ROCK2: variants seen among roughly 807,000 people sequenced by gnomAD.
The protein encoded by ROCK2 is rho-associated protein kinase 2.
In ROCK2, 61 loss-of-function variants were observed where a neutral mutation model predicts 195.1. The ratio of observed to expected loss-of-function variants is 0.31; its 90% CI spans 0.25 to 0.39. The LOEUF (loss-of-function observed/expected upper bound fraction) is 0.39. ROCK2 is among the 10% of genes least tolerant of loss of function. The pLI is 1.00. For missense variants in ROCK2, 1,109 were observed against 1,637.4 expected, an observed-to-expected ratio of 0.68 and a Z score of 5.57; for synonymous variants, 504 against 545.5, an observed-to-expected ratio of 0.92 and a Z score of 1.06.
chr2:11,292,703 G>C (rs980019570), intron 1 of ROCK2, among the ~76,000 whole-genome samples: 1 of 152,158 alleles, frequency 6.6e-6, no homozygotes. Flanking sequence ...AAATGAATTT[G>C]TAACACATTT....
Position 11,197,074 on chromosome 2 carries a change from A to T in ROCK2, c.3448+106T>A. The T allele has an allele frequency of 1.5e-6, 1 of 674,538 alleles. No homozygotes were observed. Among genetic ancestry groups the T allele is most frequent in the Non-Finnish European group, 2.3e-6 (1 of 438,806 alleles). 41.8% of individuals were successfully genotyped at this position (674,538 alleles called of 1,614,324 possible). A position where few individuals can be genotyped will look rare whatever the true frequency, so the allele number is the denominator to read the frequency against. On this transcript the variant is annotated intron_variant, in intron 27 of 32. Transcript: ENST00000315872. The surrounding 1 kb of genome is among the most constrained non-coding windows in gnomAD (Gnocchi z 4.9). The stretch of plus-strand genomic sequence containing the variant: ...TACTCCAAGGAGTAGGTTTTCCCTT[A>T]AAGAAATTACAAACATTTTTCCTTC...
chr2:11,308,146 A>G, intron 1 of ROCK2: 5 of 1,610,480 alleles, frequency 3.1e-6, no homozygotes, highest in South Asian at 2.2e-5. Context: ...TTAGCAAGAC[A>G]TCTACAAAAA....
At chr2:11,259,759 TA>T (rs894822316) in intron 3 of ROCK2, among the ~76,000 whole-genome samples, 4 of 151,336 alleles carry the variant, frequency 2.6e-5, no homozygotes, top group African/African-American at 7.4e-5. Context: ...ACTTTTCTTG[TA>T]AAAAAAATTT....
intron 1 of ROCK2, among the ~76,000 whole-genome samples, chr2:11,343,563 T>G (rs1294236357): frequency 1.3e-5 from 2 of 152,228 alleles, no homozygotes; most frequent in Non-Finnish European, 2.9e-5. Flanking sequence ...CTCTTTGTCA[T>G]GTACCCCAGT....
At chr2:11,269,966 C>T (rs1666568604) in intron 3 of ROCK2, among the ~76,000 whole-genome samples, 1 of 152,106 alleles carries the variant, frequency 6.6e-6, no homozygotes, top group African/African-American at 2.4e-5. Flanking sequence ...GTTGCCCAGG[C>T]CGGTCTCAAA....
In ROCK2 at chr2:11,344,630, C is replaced by A. The variant is rs1417805087; in HGVS notation, c.-494G>T. The A allele has an allele frequency of 4.4e-6, 1 of 225,316 alleles. No individual in the cohort carries two copies. The highest frequency in any genetic ancestry group is 7.2e-6 in the Non-Finnish European group (1 of 138,046). The allele number at this position is 225,316 out of a possible 1,614,324, so 14.0% of individuals were successfully genotyped here. On this transcript the variant is annotated 5_prime_UTR_variant, in exon 1 of 33. Coordinates refer to ENST00000315872, the MANE Select transcript of ROCK2 (RefSeq NM_004850.5). The surrounding 1 kb of genome is among the most constrained non-coding windows in gnomAD (Gnocchi z 5.4). ...CGGCGCACACACTCCCGCGCGGCCG[C>A]CCGTCTCCGGCCGCGCGCCGCCGCT... is the stretch of plus-strand genomic sequence containing the variant.
chr2:11,234,152 T>C (rs1046212476), intron 5 of ROCK2: 2 of 152,098 alleles, frequency 1.3e-5, no homozygotes, highest in African/African-American at 4.8e-5. Context: ...TAAACAAAAT[T>C]AGGCCATGTT....
chr2:11,339,861 G>A (rs1019500208), intron 1 of ROCK2, among the ~76,000 whole-genome samples: 5 of 152,140 alleles, frequency 3.3e-5, no homozygotes, highest in Non-Finnish European at 7.3e-5. Context: ...CAGCGGCGAC[G>A]GCACACAGGT....
chr2:11,213,552 A>C (rs1394514193), intron 17 of ROCK2, among the ~76,000 whole-genome samples: 1 of 151,586 alleles, frequency 6.6e-6, no homozygotes, highest in Non-Finnish European at 1.5e-5. Flanking sequence ...AAGACCATAT[A>C]ACCCACAGAA....
intron 19 of ROCK2, 41 bp downstream of exon 19, chr2:11,208,246 T>C (rs1664124844): frequency 8.5e-7 from 1 of 1,173,492 alleles, no homozygotes; most frequent in Non-Finnish European, 1.1e-6. Flanking sequence ...ACCTATTAAT[T>C]CATTAGTTTA....
intron 17 of ROCK2, among the ~76,000 whole-genome samples, chr2:11,213,012 C>T (rs192894441): frequency 2.8e-4 from 42 of 152,328 alleles, no homozygotes; most frequent in African/African-American, 9.9e-4. Flanking sequence ...TATATCTTGT[C>T]ACAACCTACA....
At chr2:11,338,146 C>A (rs1225153885) in intron 1 of ROCK2, among the ~76,000 whole-genome samples, 1 of 151,968 alleles carries the variant, frequency 6.6e-6, no homozygotes, top group African/African-American at 2.4e-5. Context: ...GAGTTTGAGA[C>A]CAGCCTGGAC....
At chr2:11,338,884 T>C (rs749610599) in intron 1 of ROCK2, among the ~76,000 whole-genome samples, 1 of 147,920 alleles carries the variant, frequency 6.8e-6, no homozygotes, top group East Asian at 2.0e-4. Flanking sequence ...TTATGAAGTA[T>C]AGAAGAAGTC....
chr2:11,305,738 C>T (rs1572387125), intron 1 of ROCK2, among the ~76,000 whole-genome samples: 1 of 152,116 alleles, frequency 6.6e-6, no homozygotes, highest in African/African-American at 2.4e-5. Flanking sequence ...TATACATACA[C>T]AATGTATCAA....
At chr2:11,253,396 C>T (rs1384985191) in intron 3 of ROCK2, among the ~76,000 whole-genome samples, 1 of 152,154 alleles carries the variant, frequency 6.6e-6, no homozygotes, top group Non-Finnish European at 1.5e-5. Flanking sequence ...CTAATTCAAC[C>T]TCTCCCATAA....
chr2:11,261,832 TAAAG>T (rs1456228394), intron 3 of ROCK2, among the ~76,000 whole-genome samples: 2 of 151,982 alleles, frequency 1.3e-5, no homozygotes, highest in Non-Finnish European at 2.9e-5. Context: ...CTTAAATAAA[TAAAG>T]AAAGAAGTAG....
At chr2:11,295,080 T>G (rs1277382168) in intron 1 of ROCK2, among the ~76,000 whole-genome samples, 1 of 152,060 alleles carries the variant, frequency 6.6e-6, no homozygotes, top group Non-Finnish European at 1.5e-5. Flanking sequence ...TGAGCCACTG[T>G]GCCCAGCCTG....
rs201098449 is a variant in ROCK2 at position 11,198,749 on chromosome 2, G to A, written c.2936C>T (p.Thr979Ile). ...ASLEETNRTL[T>I]SDVANLANEK... Reference sequence around the variant, plus strand: ...ATTTGCAAGATTGGCAACATCACTAGTTAGTGTCCTATTAGTTTCCTCAAG... The same window carrying A: ...ATTTGCAAGATTGGCAACATCACTAATTAGTGTCCTATTAGTTTCCTCAAG... Residue 979 changes from threonine (T) to isoleucine (I), a missense_variant, in exon 24 of 33, where the codon ACT becomes ATT. This residue lies in a region of ROCK2 where 542 missense variants were observed against 672.0 expected (regional missense o/e 0.81). Coordinates refer to ENST00000315872, the MANE Select transcript of ROCK2 (RefSeq NM_004850.5). 5 of 1,603,960 alleles carry A rather than the reference G, an allele frequency of 3.1e-6. No individual in the cohort carries two copies. The highest frequency in any genetic ancestry group is 3.4e-6 in the Non-Finnish European group (4 of 1,175,174).
chr2:11,249,929 GC>G lies in ROCK2; in HGVS notation c.325-132del, dbSNP rs1280994594. ...GGTCCTTAGCTAATAAAAAGTAAAAGCAAAACATTTTTAATGAAAGAAACAA... is the reference window on the plus strand; with the variant it reads ...GGTCCTTAGCTAATAAAAAGTAAAAGAAAACATTTTTAATGAAAGAAACAA... On this transcript the variant is annotated intron_variant, in intron 3 of 32. Coordinates refer to ENST00000315872, the MANE Select transcript of ROCK2 (RefSeq NM_004850.5). The G allele has an allele frequency of 6.7e-6, 4 of 599,822 alleles. No homozygotes were observed. In the African/African-American group the frequency reaches 7.6e-5, roughly 11 times the overall value. The allele number at this position is 599,822 out of a possible 1,614,324, so 37.2% of individuals were successfully genotyped here.
Sources: allele counts gnomAD v4.1 joint callset (sites outside exome capture counted in the v4.1 genomes callset), GRCh38; gene constraint gnomAD v4.1.1; regional missense constraint gnomAD v4.1.1; non-coding constraint Gnocchi (gnomAD v3.1); transcripts MANE v1.5; gene names NCBI Gene and HGNC (gene_info 2026-07-23, HGNC 2026-07-21).